Variants in MATN3 observed in about 807,000 individuals in gnomAD.
MATN3 encodes the protein matrilin-3.
Under a neutral mutation model 45.3 loss-of-function variants are expected in MATN3, and 48 were observed. The ratio of observed to expected loss-of-function variants is 1.06; its 90% confidence interval spans 0.84 to 1.35. The LOEUF (loss-of-function observed/expected upper bound fraction) is 1.35, where lower values mean the gene tolerates loss of function less well. Ranked by LOEUF, MATN3 falls within the 40% of genes most tolerant of loss-of-function variation. MATN3 has a pLI of 0.00. For missense variants in MATN3, 599 were observed against 628.0 expected, an observed-to-expected ratio of 0.95 and a Z score of 0.49; for synonymous variants, 217 against 245.9, an observed-to-expected ratio of 0.88 and a Z score of 1.10.
intron 1 of MATN3, among the ~76,000 whole-genome samples, chr2:20,009,676 G>C (rs1448451485): frequency 6.6e-6 from 1 of 152,098 alleles, no homozygotes; most frequent in Non-Finnish European, 1.5e-5. Context: ...GATCTGAATA[G>C]GAAACATTTG....
chr2:20,009,248 G>C (rs938177261), intron 1 of MATN3, among the ~76,000 whole-genome samples: 1 of 137,432 alleles, frequency 7.3e-6, no homozygotes, highest in Admixed American at 7.3e-5. Context: ...AAAAAAAAAG[G>C]AATCAAAATT....
Position 19,995,229 on chromosome 2 carries a change from G to T in MATN3, c.1295-820C>A, listed in dbSNP as rs981755699. Among the ~76,000 whole-genome samples the T allele has an allele frequency of 1.2e-4, 18 of 152,334 alleles. No homozygotes were observed. The highest frequency in any genetic ancestry group is 1.1e-3 in the Admixed American group (17 of 15,306). ...GGACTTTGGGAGGCCAAGGTGGGTG[G>T]AACGCTTGAAGTCAGGAGTTCAAGA... On this transcript the variant is annotated intron_variant, in intron 6 of 7. Coordinates refer to ENST00000407540, the MANE Select transcript of MATN3 (RefSeq NM_002381.5). This position sits in a 1 kb window ranked among gnomAD's most constrained non-coding sequence, Gnocchi z 4.2.
Position 20,012,659 on chromosome 2 carries a change from C to G in MATN3, c.-28G>C, listed in dbSNP as rs1272629552. The G allele has an allele frequency of 9.0e-7, 1 of 1,112,674 alleles. No individual in the cohort carries two copies. The highest frequency in any genetic ancestry group is 1.6e-5 in the African/African-American group (1 of 61,802). The allele number at this position is 1,112,674 out of a possible 1,614,324, so 68.9% of individuals were successfully genotyped here. A position where few individuals can be genotyped will look rare whatever the true frequency, so the allele number is the denominator to read the frequency against. Reference sequence around the variant, plus strand: ...TGGGCTCCGTGGGCCTGGTGGTGTCCGTCGGGGGCCAGGAGCCCACGCGAG... The same window carrying G: ...TGGGCTCCGTGGGCCTGGTGGTGTCGGTCGGGGGCCAGGAGCCCACGCGAG... On this transcript the variant is annotated 5_prime_UTR_variant, in exon 1 of 8. Transcript: ENST00000407540. The surrounding 1 kb of genome is among the most constrained non-coding windows in gnomAD (Gnocchi z 4.3).
chr2:19,997,454 A>G (rs1433816570), intron 5 of MATN3, 195 bp from the exon 6 acceptor site: 1 of 522,860 alleles, frequency 1.9e-6, no homozygotes, highest in Non-Finnish European at 3.4e-6. Flanking sequence ...TTGGCCTCAC[A>G]TCACACACAC....
chr2:20,002,313 A>G (rs1257274891), intron 3 of MATN3, among the ~76,000 whole-genome samples: 1 of 152,150 alleles, frequency 6.6e-6, no homozygotes, highest in Non-Finnish European at 1.5e-5. Context: ...TCTCAATTTC[A>G]TTATCTATAA....
chr2:20,005,657 C>CAA (rs72538221), intron 2 of MATN3, 87 bp downstream of exon 2: 1 of 1,081,262 alleles, frequency 9.2e-7, no homozygotes, highest in East Asian at 2.8e-5. Context: ...AAATTTCCAC[C>CAA]AAAAAAGAAT....
Position 20,012,222 on chromosome 2 carries a change from A to T in MATN3, c.223+187T>A, listed in dbSNP as rs577389744. On this transcript the variant is annotated intron_variant, in intron 1 of 7. Transcript: ENST00000407540. The surrounding 1 kb of genome is among the most constrained non-coding windows in gnomAD (Gnocchi z 4.3). ...GGAGACCCACATCTCTAGCCTGGAC[A>T]CATGAGTGATATTGGGCATCTCCCT... 3.3e-5 allele frequency among the ~76,000 whole-genome samples: 5 copies of T among 152,340 alleles called. No homozygotes were observed. In the East Asian group the frequency reaches 9.7e-4, roughly 29 times the overall value.
chr2:19,995,568 T>G lies in MATN3; in HGVS notation c.1295-1159A>C, dbSNP rs950424717. On this transcript the variant is annotated intron_variant, in intron 6 of 7. Transcript: ENST00000407540. The surrounding 1 kb of genome is among the most constrained non-coding windows in gnomAD (Gnocchi z 4.2). Reference sequence around the variant, plus strand: ...AGTCCTAGTTCTTACCAATAAATACTTTGGAACTGAAAATTCACGTTTGTA... The same window carrying G: ...AGTCCTAGTTCTTACCAATAAATACGTTGGAACTGAAAATTCACGTTTGTA... Among the ~76,000 whole-genome samples the G allele has an allele frequency of 1.3e-5, 2 of 152,234 alleles. No individual in the cohort carries two copies. The highest frequency in any genetic ancestry group is 2.9e-5 in the Non-Finnish European group (2 of 68,046).
At chr2:19,999,281 A>G (rs2103480746) in intron 5 of MATN3, 1 of 152,264 alleles carries the variant, frequency 6.6e-6, no homozygotes, top group South Asian at 2.1e-4. Context: ...GCCATAGGTG[A>G]GTTCTCTCCA....
chr2:20,003,166 C>A lies in MATN3; in HGVS notation c.911G>T (p.Cys304Phe). The change falls in exon 3 of 8, where the codon TGT becomes TTT. Residue 304 changes from cysteine (C) to phenylalanine (F), a missense_variant. By Grantham distance (205) the Cys-to-Phe change is radical. Coordinates refer to ENST00000407540, the MANE Select transcript of MATN3 (RefSeq NM_002381.5). The stretch of plus-strand genomic sequence containing the variant: ...GCCCCCTACACAGGCCTCACCTGAA[C>A]ACGTTTTCTTGTCGGCATTCAAGGT... ...GYTLNADKKT[C>F]SALDRCALNT... 1 of 1,613,986 alleles carries A rather than the reference C, an allele frequency of 6.2e-7. No homozygotes were observed. The highest frequency in any genetic ancestry group is 8.5e-7 in the Non-Finnish European group (1 of 1,179,856).
rs991042150 is a variant in MATN3 at position 19,999,205 on chromosome 2, G to T, written c.1168+1236C>A. 5.3e-5 allele frequency: 8 copies of T among 151,944 alleles called. 1 individual carries two copies. Among genetic ancestry groups the T allele is most frequent in the African/African-American group, 1.9e-4 (8 of 41,334 alleles). The allele number at this position is 151,944 out of a possible 1,614,324, so 9.4% of individuals were successfully genotyped here. A position where few individuals can be genotyped will look rare whatever the true frequency, so the allele number is the denominator to read the frequency against. ...AATTTGTTTTTGGTTTGTTTTCCCA[G>T]GTCTTCAATGTTCCTGGCAGCTTAA... On this transcript the variant is annotated intron_variant, in intron 5 of 7. Transcript: ENST00000407540.
chr2:20,000,340 CT>C (rs1672960397), intron 5 of MATN3, 100 bp downstream of exon 5: 1 of 1,074,364 alleles, frequency 9.3e-7, no homozygotes, highest in Non-Finnish European at 1.3e-6. Context: ...ATGTCTGAAC[CT>C]TGATCTTAAG....
chr2:19,999,121 G>A (rs1672934599), intron 5 of MATN3: 1 of 151,478 alleles, frequency 6.6e-6, no homozygotes, highest in African/African-American at 2.4e-5. Context: ...TTTGATTTAT[G>A]TTTTTTTTTA....
intron 2 of MATN3, among the ~76,000 whole-genome samples, chr2:20,005,437 C>A (rs1280608644): frequency 6.6e-6 from 1 of 152,120 alleles, no homozygotes; most frequent in Non-Finnish European, 1.5e-5. Flanking sequence ...TTTCCTGACC[C>A]TGACAGGGAA....
intron 5 of MATN3, among the ~76,000 whole-genome samples, chr2:19,999,671 C>G (rs1403764369): frequency 6.7e-6 from 1 of 149,800 alleles, no homozygotes; most frequent in Non-Finnish European, 1.5e-5. Context: ...GGTGACATGC[C>G]ATTTCCCTTT....
At chr2:20,011,184 T>C (rs540826161) in intron 1 of MATN3, among the ~76,000 whole-genome samples, 36 of 152,360 alleles carry the variant, frequency 2.4e-4, no homozygotes, top group African/African-American at 8.4e-4. Flanking sequence ...CTCTAGGTAA[T>C]GAAAGACCAG....
Position 19,992,894 on chromosome 2 carries a change from G to A in MATN3, c.*217C>T. On this transcript the variant is annotated 3_prime_UTR_variant, in exon 8 of 8. Transcript: ENST00000407540. ...ACAGTCATAACTTAGAGACACTAAA[G>A]TTTGCTCTTAATAAGTATCTGCATA... 1 of 528,698 alleles carries A rather than the reference G, an allele frequency of 1.9e-6. No individual in the cohort carries two copies. Among genetic ancestry groups the A allele is most frequent in the Non-Finnish European group, 3.3e-6 (1 of 303,456 alleles). 32.8% of individuals were successfully genotyped at this position (528,698 alleles called of 1,614,324 possible). A position where few individuals can be genotyped will look rare whatever the true frequency, so the allele number is the denominator to read the frequency against.
Position 20,002,017 on chromosome 2 carries a change from C to T in MATN3, c.980G>A (p.Gly327Asp), listed in dbSNP as rs1203548473. Residue 327 changes from glycine (G) to aspartate (D), a missense_variant, in exon 4 of 8, where the codon GGC becomes GAC. By Grantham distance (94) the Gly-to-Asp change is moderately conservative. Transcript: ENST00000407540. ...TTCATAGCACTCACAATGATAAGAGCCACTTCTGTCATTCACACAGATGTG... is the reference window on the plus strand; with the variant it reads ...TTCATAGCACTCACAATGATAAGAGTCACTTCTGTCATTCACACAGATGTG... ...CEHICVNDRS[G>D]SYHCECYEGY... 6.2e-7 allele frequency: 1 copy of T among 1,612,886 alleles called. No individual in the cohort carries two copies. The highest frequency in any genetic ancestry group is 1.1e-5 in the South Asian group (1 of 91,052).
intron 2 of MATN3, 98 bp from the exon 3 acceptor site, chr2:20,003,384 C>T (rs1295110660): frequency 1.8e-5 from 21 of 1,194,392 alleles, no homozygotes; most frequent in African/African-American, 3.1e-5. Flanking sequence ...GGCTCCTTTC[C>T]GAGTCCATCT....
Sources: gnomAD v4.1 joint callset for allele counts (sites outside exome capture counted in the v4.1 genomes callset) on GRCh38, gnomAD v4.1.1 for gene constraint, Gnocchi (gnomAD v3.1) non-coding constraint, MANE v1.5 for transcripts, NCBI Gene and HGNC (gene_info 2026-07-23, HGNC 2026-07-21) for gene names.